Variants in ARHGEF3 observed in about 807,000 individuals in gnomAD.
The protein encoded by ARHGEF3 is Rho guanine nucleotide exchange factor 3, also known as 59.8 kDA protein.
Under a neutral mutation model 63.2 loss-of-function variants are expected in ARHGEF3, and 28 were observed. That is an observed-to-expected ratio of 0.44 (90% CI 0.33 to 0.61). The LOEUF is 0.61. ARHGEF3 is among the 20% of genes least tolerant of loss of function. The pLI is 0.03. For missense variants in ARHGEF3, 533 were observed against 659.3 expected (o/e 0.81, Z 2.10); for synonymous variants, 266 against 254.2 (o/e 1.05, Z -0.44).
chr3:56,792,615 T>C (rs2037142618), intron 1 of ARHGEF3, among the ~76,000 whole-genome samples: 1 of 152,178 alleles, frequency 6.6e-6, no homozygotes, highest in African/African-American at 2.4e-5. Flanking sequence ...GACAATTATA[T>C]ACTCAAGTAA....
At chr3:56,813,268 A>C (rs1439137494) in intron 4 of ARHGEF3, among the ~76,000 whole-genome samples, 1 of 152,226 alleles carries the variant, frequency 6.6e-6, no homozygotes, top group Non-Finnish European at 1.5e-5. Flanking sequence ...CAGGAGAAAC[A>C]ATAGCTGGGA....
intron 2 of ARHGEF3, among the ~76,000 whole-genome samples, chr3:57,002,685 G>A (rs544593035): frequency 4.7e-5 from 7 of 147,956 alleles, no homozygotes; most frequent in South Asian, 4.3e-4. Flanking sequence ...ACATTATTTC[G>A]TCACCCAGGA....
intron 1 of ARHGEF3, among the ~76,000 whole-genome samples, chr3:56,795,656 T>TC (rs1553756558): frequency 0.057 from 2,653 of 46,386 alleles, 88 homozygotes; most frequent in South Asian, 0.081. Context: ...TCTCTCTCTC[T>TC]TTTTTTTTTT....
intron 2 of ARHGEF3, among the ~76,000 whole-genome samples, chr3:56,772,995 C>A (rs1348851491): frequency 6.6e-6 from 1 of 152,152 alleles, no homozygotes; most frequent in Non-Finnish European, 1.5e-5. Flanking sequence ...TACTTCCACT[C>A]CGAGGTCCTT....
intron 4 of ARHGEF3, among the ~76,000 whole-genome samples, chr3:56,852,376 T>C (rs2108152010): frequency 6.6e-6 from 1 of 152,318 alleles, no homozygotes; most frequent in South Asian, 2.1e-4. Context: ...CTTTTGTAGT[T>C]TCTTTGAATT....
chr3:56,811,204 G>C (rs904566446), intron 4 of ARHGEF3, among the ~76,000 whole-genome samples: 2 of 152,170 alleles, frequency 1.3e-5, no homozygotes, highest in African/African-American at 4.8e-5. Context: ...TGGCTCTTGG[G>C]ACTTGATTTA....
chr3:56,747,651 C>T lies in ARHGEF3; in HGVS notation c.613-2189G>A, dbSNP rs531560356. Reference sequence around the variant, plus strand: ...CAGCCTGGGCAACGTGGCAAAATCCCGTCTTTACTAAAATATATAAAAATT... The same window carrying T: ...CAGCCTGGGCAACGTGGCAAAATCCTGTCTTTACTAAAATATATAAAAATT... On this transcript the variant is annotated intron_variant, in intron 6 of 9. Coordinates refer to ENST00000296315, the MANE Select transcript of ARHGEF3 (RefSeq NM_019555.3). Among the ~76,000 whole-genome samples, 84 of 152,230 alleles carry T rather than the reference C, an allele frequency of 5.5e-4. 2 individuals carry two copies. Among genetic ancestry groups the T allele is most frequent in the Non-Finnish European group, 9.0e-4 (61 of 68,012 alleles).
At chr3:56,968,201 TATAAAA>T (rs1251840250) in intron 2 of ARHGEF3, among the ~76,000 whole-genome samples, 498 of 29,986 alleles carry the variant, frequency 0.017, 2 homozygotes, top group East Asian at 0.049. Context: ...ATATATAATA[TATAAAA>T]ATATATATTA....
At chr3:56,940,400 A>G (rs1336607043) in intron 3 of ARHGEF3, among the ~76,000 whole-genome samples, 1 of 152,234 alleles carries the variant, frequency 6.6e-6, no homozygotes, top group East Asian at 1.9e-4. Flanking sequence ...TAAAATAAAC[A>G]GGCATCTAGA....
At chr3:57,004,696 G>A (rs1228454488) in intron 2 of ARHGEF3, among the ~76,000 whole-genome samples, 2 of 152,230 alleles carry the variant, frequency 1.3e-5, no homozygotes, top group Admixed American at 1.3e-4. Flanking sequence ...AGCCGGCGCA[G>A]TGGCTCATGC....
chr3:56,883,835 A>G (rs1463355112), intron 3 of ARHGEF3, among the ~76,000 whole-genome samples: 2 of 152,264 alleles, frequency 1.3e-5, no homozygotes, highest in East Asian at 3.9e-4. Flanking sequence ...TTCAGTCCCA[A>G]AAGAAGTCAG....
intron 2 of ARHGEF3, among the ~76,000 whole-genome samples, chr3:56,982,684 C>T (rs1352036837): frequency 2.0e-5 from 3 of 152,150 alleles, no homozygotes; most frequent in South Asian, 4.1e-4. Context: ...AGTATACATC[C>T]GGTGAATGAA....
intron 2 of ARHGEF3, among the ~76,000 whole-genome samples, chr3:56,973,015 T>G (rs28666787): frequency 2.8e-4 from 42 of 148,440 alleles, no homozygotes; most frequent in African/African-American, 1.0e-3. Flanking sequence ...GGTGAACAGT[T>G]TTTTTGTTTT....
chr3:57,042,729 C>G (rs918284657), intron 1 of ARHGEF3, among the ~76,000 whole-genome samples: 3 of 121,602 alleles, frequency 2.5e-5, no homozygotes, highest in African/African-American at 9.4e-5. Flanking sequence ...CGGAGTCTCG[C>G]TCTGTCGCCC....
Position 56,863,303 on chromosome 3 carries a change from A to ATT in ARHGEF3, c.192+18987_192+18988dup, listed in dbSNP as rs112409030. Among the ~76,000 whole-genome samples, 215 of 128,588 alleles carry ATT rather than the reference A, an allele frequency of 1.7e-3. 3 individuals are homozygous for ATT. Among genetic ancestry groups the ATT allele is most frequent in the African/African-American group, 5.7e-3 (203 of 35,476 alleles). 84.4% of individuals were successfully genotyped at this position (128,588 alleles called of 152,430 possible). On this transcript the variant is annotated intron_variant, in intron 4 of 12. Transcript: ENST00000338458. Reference sequence around the variant, plus strand: ...AGGTGTGTGCCACCACACCCAGCTAATTTTTTTTTTTTTTGAGACATTGTC... The same window carrying ATT: ...AGGTGTGTGCCACCACACCCAGCTAATTTTTTTTTTTTTTTTGAGACATTGTC...
At chr3:56,981,939 G>C (rs1185340719) in intron 2 of ARHGEF3, among the ~76,000 whole-genome samples, 1 of 152,166 alleles carries the variant, frequency 6.6e-6, no homozygotes, top group Admixed American at 6.5e-5. Context: ...ATTCAGGAAG[G>C]GCCAACCCCA....
At chr3:56,789,324 C>T (rs921043577) in intron 1 of ARHGEF3, among the ~76,000 whole-genome samples, 5 of 152,142 alleles carry the variant, frequency 3.3e-5, no homozygotes, top group African/African-American at 1.2e-4. Flanking sequence ...CAATCCTTCC[C>T]ACCAGAGTGA....
intron 3 of ARHGEF3, among the ~76,000 whole-genome samples, chr3:56,956,262 C>CT (rs1266843396): frequency 2.0e-5 from 3 of 147,750 alleles, no homozygotes; most frequent in South Asian, 2.1e-4. Flanking sequence ...TGAATTATTA[C>CT]TTTTTTTTAA....
intron 2 of ARHGEF3, among the ~76,000 whole-genome samples, chr3:56,771,382 T>C (rs2035995986): frequency 6.6e-6 from 1 of 152,130 alleles, no homozygotes; most frequent in Admixed American, 6.5e-5. Flanking sequence ...AAGAAAGATT[T>C]TGAAGGTATG....
Sources: allele counts gnomAD v4.1 joint callset (sites outside exome capture counted in the v4.1 genomes callset), GRCh38; gene constraint gnomAD v4.1.1; transcripts MANE v1.5; gene names NCBI Gene and HGNC (gene_info 2026-07-23, HGNC 2026-07-21).